Variants in FBXL16 observed in about 807,000 individuals in gnomAD.
FBXL16 encodes the protein F-box/LRR-repeat protein 16.
In FBXL16, 7 loss-of-function variants were observed where a neutral mutation model predicts 36.7. That is an observed-to-expected ratio of 0.19 (90% CI 0.11 to 0.36). FBXL16 has a LOEUF of 0.36. Ranked by LOEUF, FBXL16 falls within the 10% of genes least tolerant of loss-of-function variation. The probability of loss-of-function intolerance (pLI) is 1.00; values close to 1 mark genes in which losing one functional copy is unlikely to be tolerated. For synonymous variants in FBXL16, 355 were observed against 308.7 expected, an observed-to-expected ratio of 1.15 and a Z score of -1.57; for missense variants, 463 against 659.4, an observed-to-expected ratio of 0.70 and a Z score of 3.26.
rs1454591336 is a variant in FBXL16 at position 697,785 on chromosome 16, G to C, written c.-14-366C>G. Among the ~76,000 whole-genome samples the C allele has an allele frequency of 6.6e-6, 1 of 152,118 alleles. No individual in the cohort carries two copies. Among genetic ancestry groups the C allele is most frequent in the Non-Finnish European group, 1.5e-5 (1 of 68,012 alleles). ...GGAGGCCGAGGCGGGTGGATCATGA[G>C]GTCAGGAGATCGAGACCATCCTGGC... On this transcript the variant is annotated intron_variant, in intron 1 of 5. Transcript: ENST00000397621. This position sits in a 1 kb window ranked among gnomAD's most constrained non-coding sequence, Gnocchi z 4.6.
intron 4 of FBXL16, 22 bp downstream of exon 4, chr16:694,970 C>T: frequency 6.6e-7 from 1 of 1,522,820 alleles, no homozygotes; most frequent in Non-Finnish European, 8.8e-7. Context: ...ATCCCCCAAT[C>T]CCGGGGCGTG....
chr16:694,972 CG>C lies in FBXL16; in HGVS notation c.1227+19del, dbSNP rs757466275. On this transcript the variant is annotated intron_variant, in intron 4 of 5. Transcript: ENST00000397621. ...CACCTCCCCGCCGATCCCCCAATCC[CG>C]GGGCGTGAGAGCCGGTACCTGGCAG... 1.3e-6 allele frequency: 2 copies of C among 1,523,626 alleles called. No homozygotes were observed. Among genetic ancestry groups the C allele is most frequent in the Non-Finnish European group, 1.8e-6 (2 of 1,132,274 alleles). The allele number at this position is 1,523,626 out of a possible 1,614,324, so 94.4% of individuals were successfully genotyped here. A position where few individuals can be genotyped will look rare whatever the true frequency, so the allele number is the denominator to read the frequency against.
intron 5 of FBXL16, 87 bp downstream of exon 5, chr16:694,547 T>G: frequency 4.6e-6 from 7 of 1,523,336 alleles, no homozygotes; most frequent in Non-Finnish European, 6.2e-6. Context: ...GGGTGTGAGT[T>G]TGCACAAGGA....
Position 694,480 on chromosome 16 carries a change from G to A in FBXL16, c.1292-57C>T, listed in dbSNP as rs1301045154. On this transcript the variant is annotated intron_variant, in intron 5 of 5. Coordinates refer to ENST00000397621, the MANE Select transcript of FBXL16 (RefSeq NM_153350.4). ...CGCGGCCCAGGGCTCGGGCGGGGAC[G>A]GCCGGGCCGCGCCTCCCTCCTCCTC... 3.3e-6 allele frequency: 5 copies of A among 1,498,166 alleles called. No individual in the cohort carries two copies. The Admixed American group carries it at 1.1e-4, about 33-fold the overall frequency. The allele number at this position is 1,498,166 out of a possible 1,614,324, so 92.8% of individuals were successfully genotyped here.
At chr16:700,449 C>T (rs1001405810) in intron 1 of FBXL16, among the ~76,000 whole-genome samples, 1 of 152,078 alleles carries the variant, frequency 6.6e-6, no homozygotes, top group African/African-American at 2.4e-5. Flanking sequence ...CGGCTGGGGT[C>T]GGCACATGAT....
At chr16:703,029 A>G (rs974570570) in intron 1 of FBXL16, among the ~76,000 whole-genome samples, 1 of 152,138 alleles carries the variant, frequency 6.6e-6, no homozygotes, top group African/African-American at 2.4e-5. Flanking sequence ...TTGCAGACGG[A>G]TTTTCCAGAA....
Position 697,182 on chromosome 16 carries a change from G to T in FBXL16, c.224C>A (p.Thr75Asn). Residue 75 changes from threonine to asparagine, a missense_variant, in exon 2 of 6, where the codon ACC (threonine) becomes AAC (asparagine). Physicochemically the swap from Thr to Asn is moderately conservative, Grantham distance 65. Around this residue, in one of 3 missense-constraint regions of FBXL16, gnomAD observed 263 missense variants for 341.1 expected, o/e 0.77. Coordinates refer to ENST00000397621, the MANE Select transcript of FBXL16 (RefSeq NM_153350.4). This position sits in a 1 kb window ranked among gnomAD's most constrained non-coding sequence, Gnocchi z 4.6. ...SRAALAGGPC[T>N]PAGGPASALA... ...GGCTGAGGCTGGTCCACCTGCCGGG[G>T]TGCACGGGCCCCCAGCCAGGGCAGC... 1.9e-6 allele frequency: 3 copies of T among 1,557,236 alleles called. No homozygotes were observed. The highest frequency in any genetic ancestry group is 2.6e-6 in the Non-Finnish European group (3 of 1,155,754).
chr16:698,707 G>T (rs1052479954), intron 1 of FBXL16, among the ~76,000 whole-genome samples: 2 of 152,060 alleles, frequency 1.3e-5, no homozygotes, highest in Non-Finnish European at 1.5e-5. Flanking sequence ...ACAAGGTCAG[G>T]GGTTTGAGAC....
At chr16:696,740 C>A (rs774559098) in intron 2 of FBXL16, 33 bp downstream of exon 2, 9 of 1,493,730 alleles carry the variant, frequency 6.0e-6, no homozygotes, top group South Asian at 1.4e-5. Context: ...GCCCCTGCCC[C>A]CCAGCCCTGT....
chr16:696,757 CG>C lies in FBXL16; in HGVS notation c.633+15del. 7.0e-7 allele frequency: 1 copy of C among 1,427,174 alleles called. No homozygotes were observed. The highest frequency in any genetic ancestry group is 9.2e-7 in the Non-Finnish European group (1 of 1,085,302). 88.4% of individuals were successfully genotyped at this position (1,427,174 alleles called of 1,614,324 possible). ...CCCTGCCCCCCAGCCCTGTCCCCCCCGAGCCTGGTGCACACCTCGAGGCCTG... is the reference window on the plus strand; with the variant it reads ...CCCTGCCCCCCAGCCCTGTCCCCCCCAGCCTGGTGCACACCTCGAGGCCTG... On this transcript the variant is annotated intron_variant, in intron 2 of 5. Coordinates refer to ENST00000397621, the MANE Select transcript of FBXL16 (RefSeq NM_153350.4).
rs540546802 is a variant in FBXL16 at position 695,291 on chromosome 16, C to T, written c.1142+124G>A. On this transcript the variant is annotated intron_variant, in intron 3 of 5. Transcript: ENST00000397621. ...CTCCCCAGGCTCCGAGGGCTCTGCC[C>T]GCCGCGCCACAGCCCCAGCCCCGCC... 29 of 1,176,698 alleles carry T rather than the reference C, an allele frequency of 2.5e-5. 1 individual carries two copies. In the South Asian group the frequency reaches 3.7e-4, roughly 15 times the overall value. 72.9% of individuals were successfully genotyped at this position (1,176,698 alleles called of 1,614,324 possible).
In FBXL16 at chr16:693,694, G is replaced by A; in HGVS notation, c.*581C>T. 1 of 153,654 alleles carries A rather than the reference G, an allele frequency of 6.5e-6. No homozygotes were observed. Among genetic ancestry groups the A allele is most frequent in the Non-Finnish European group, 1.5e-5 (1 of 68,826 alleles). 9.5% of individuals were successfully genotyped at this position (153,654 alleles called of 1,614,324 possible). On this transcript the variant is annotated 3_prime_UTR_variant, in exon 6 of 6. Coordinates refer to ENST00000397621, the MANE Select transcript of FBXL16 (RefSeq NM_153350.4). ...CCTGGGCTCTCGGCGGCGGGCCATG[G>A]CTTTGGCGGTGGCCTGTTTCCCCTG... is the stretch of plus-strand genomic sequence containing the variant.
intron 1 of FBXL16, among the ~76,000 whole-genome samples, chr16:702,005 G>T (rs940182290): frequency 2.0e-5 from 3 of 152,192 alleles, no homozygotes; most frequent in African/African-American, 7.2e-5. Context: ...CTCCCCAGGG[G>T]ACGCAGTGTG....
In FBXL16 at chr16:694,384, A is replaced by C; in HGVS notation, c.1331T>G (p.Val444Gly). 6.5e-7 allele frequency: 1 copy of C among 1,543,832 alleles called. No individual in the cohort carries two copies. The highest frequency in any genetic ancestry group is 1.2e-5 in the South Asian group (1 of 82,474). Reference sequence around the variant, plus strand: ...CAGCTCCTCCAGCTCCTGCAGCTGCACCAGGCCCGACAGCCCGGTGGTGGT... The same window carrying C: ...CAGCTCCTCCAGCTCCTGCAGCTGCCCCAGGCCCGACAGCCCGGTGGTGGT... ...LLTTTGLSGLVQLQELEELEL... is the reference protein window; with the variant it reads ...LLTTTGLSGLGQLQELEELEL... Residue 444 changes from valine (V) to glycine (G), a missense_variant, in exon 6 of 6, where the codon GTG becomes GGG. Coordinates refer to ENST00000397621, the MANE Select transcript of FBXL16 (RefSeq NM_153350.4).
intron 1 of FBXL16, among the ~76,000 whole-genome samples, chr16:704,818 C>G (rs963957651): frequency 1.3e-5 from 2 of 152,238 alleles, no homozygotes; most frequent in Non-Finnish European, 2.9e-5. Flanking sequence ...CCTGGAGTGG[C>G]CGCTGGGCCG....
rs1227321270 is a variant in FBXL16 at position 697,632 on chromosome 16, C to T, written c.-14-213G>A. Among the ~76,000 whole-genome samples, 1 of 152,186 alleles carries T rather than the reference C, an allele frequency of 6.6e-6. No homozygotes were observed. The highest frequency in any genetic ancestry group is 1.5e-5 in the Non-Finnish European group (1 of 68,040). ...ATGGCCACTGGCAGCACTCACTGGG[C>T]ACCTACGGTATGCACTGAGCCCAAC... On this transcript the variant is annotated intron_variant, in intron 1 of 5. Coordinates refer to ENST00000397621, the MANE Select transcript of FBXL16 (RefSeq NM_153350.4). This position sits in a 1 kb window ranked among gnomAD's most constrained non-coding sequence, Gnocchi z 4.6.
intron 1 of FBXL16, among the ~76,000 whole-genome samples, chr16:699,559 C>T (rs949439349): frequency 6.6e-6 from 1 of 152,184 alleles, no homozygotes; most frequent in Non-Finnish European, 1.5e-5. Context: ...GTACCTGCTC[C>T]CTTGGGGCAT....
chr16:695,943 G>T lies in FBXL16; in HGVS notation c.634-20C>A, dbSNP rs370288425. The T allele has an allele frequency of 1.1e-4, 172 of 1,560,778 alleles. No individual in the cohort carries two copies. Among genetic ancestry groups the T allele is most frequent in the Admixed American group, 1.9e-4 (11 of 56,938 alleles). ...CATAACCTGCAGGCGGGCGGGCGCC[G>T]GGTCAGGATTGCAGGAGAAGGGGTG... On this transcript the variant is annotated intron_variant, in intron 2 of 5. Transcript: ENST00000397621.
chr16:696,364 G>A (rs534153630), intron 2 of FBXL16, among the ~76,000 whole-genome samples: 3 of 152,214 alleles, frequency 2.0e-5, no homozygotes, highest in East Asian at 1.9e-4. Context: ...GGGTTCAAGC[G>A]ATTCTCCTGC....
Sources: gnomAD v4.1 joint callset for allele counts (sites outside exome capture counted in the v4.1 genomes callset) on GRCh38, gnomAD v4.1.1 for gene constraint, gnomAD v4.1.1 regional missense constraint, Gnocchi (gnomAD v3.1) non-coding constraint, MANE v1.5 for transcripts, NCBI Gene and HGNC (gene_info 2026-07-23, HGNC 2026-07-21) for gene names.